The following CD82 variants were observed in gnomAD, a reference collection of about 807,000 sequenced individuals.
The protein encoded by CD82 is CD82 antigen.
A neutral mutation model predicts 37.4 loss-of-function variants in CD82; 36 were observed. That is an observed-to-expected ratio of 0.96 (90% CI 0.74 to 1.27). CD82 has a LOEUF of 1.27. Among genes scored for constraint, CD82 ranks in the 50% most tolerant of loss-of-function variants. The probability of loss-of-function intolerance (pLI) is 0.00; values close to 1 mark genes in which losing one functional copy is unlikely to be tolerated. For synonymous variants in CD82, 158 were observed against 137.4 expected, an observed-to-expected ratio of 1.15 and a Z score of -1.05; for missense variants, 340 against 347.0, an observed-to-expected ratio of 0.98 and a Z score of 0.16.
upstream of CD82, among the ~76,000 whole-genome samples, chr11:44,564,663 C>T (rs985672570): frequency 6.6e-6 from 1 of 152,194 alleles, no homozygotes; most frequent in African/African-American, 2.4e-5. Context: ...GCCCACAGCC[C>T]CTCCTGCCAC....
At chr11:44,602,906 C>T (rs1389293760) in intron 4 of CD82, among the ~76,000 whole-genome samples, 1 of 152,204 alleles carries the variant, frequency 6.6e-6, no homozygotes, top group Non-Finnish European at 1.5e-5. Context: ...AGGCACCTTG[C>T]AGCCTGCTAG....
At chr11:44,616,094 G>A (rs1853560252) in intron 7 of CD82, among the ~76,000 whole-genome samples, 1 of 152,174 alleles carries the variant, frequency 6.6e-6, no homozygotes, top group Admixed American at 6.5e-5. Context: ...ATCCTGTGAG[G>A]GCGCAGGACA....
chr11:44,601,469 C>A (rs990876458), intron 4 of CD82, among the ~76,000 whole-genome samples: 1 of 152,168 alleles, frequency 6.6e-6, no homozygotes, highest in South Asian at 2.1e-4. Context: ...ACACACCCTC[C>A]TTGGCCCCAT....
intron 1 of CD82, among the ~76,000 whole-genome samples, chr11:44,582,567 G>A (rs1364563614): frequency 3.3e-5 from 5 of 152,172 alleles, no homozygotes; most frequent in Admixed American, 6.5e-5. Context: ...TGTGGATACT[G>A]AGAAATGAGA....
At chr11:44,609,439 C>G (rs1004226572) in intron 6 of CD82, among the ~76,000 whole-genome samples, 1 of 152,050 alleles carries the variant, frequency 6.6e-6, no homozygotes, top group African/African-American at 2.4e-5. Flanking sequence ...CTGTCACGCT[C>G]AAGCAGAAGA....
chr11:44,569,645 C>T (rs1281576115), intron 1 of CD82, among the ~76,000 whole-genome samples: 1 of 152,102 alleles, frequency 6.6e-6, no homozygotes, highest in Middle Eastern at 3.2e-3. Flanking sequence ...CAAATACAAC[C>T]CCAACACAGA....
chr11:44,599,094 G>C (rs1853270927), intron 3 of CD82, among the ~76,000 whole-genome samples: 1 of 152,220 alleles, frequency 6.6e-6, no homozygotes, highest in South Asian at 2.1e-4. Context: ...AGATGGGAGA[G>C]AGGCAGGGAA....
chr11:44,610,390 T>C (rs990090171), intron 6 of CD82, among the ~76,000 whole-genome samples: 2 of 152,208 alleles, frequency 1.3e-5, no homozygotes, highest in African/African-American at 4.8e-5. Flanking sequence ...AACATGCTAT[T>C]GTGTGAGGTA....
chr11:44,601,345 C>T (rs1260152616), intron 4 of CD82, among the ~76,000 whole-genome samples: 2 of 151,874 alleles, frequency 1.3e-5, no homozygotes, highest in Admixed American at 6.5e-5. Flanking sequence ...GGATGATCTA[C>T]ACTCTAGCCA....
intron 1 of CD82, among the ~76,000 whole-genome samples, chr11:44,583,219 G>C (rs949794466): frequency 2.2e-4 from 34 of 152,158 alleles, no homozygotes; most frequent in African/African-American, 8.2e-4. Context: ...TGGAAAGCAA[G>C]AGGTCAGAGG....
chr11:44,564,703 A>G (rs1248155109), upstream of CD82, among the ~76,000 whole-genome samples: 1 of 151,738 alleles, frequency 6.6e-6, no homozygotes, highest in Non-Finnish European at 1.5e-5. Flanking sequence ...CTCCTCCCTC[A>G]CCTCAGGCAG....
chr11:44,589,857 G>A lies in CD82; in HGVS notation c.-21+2301G>A, dbSNP rs560030384. On this transcript the variant is annotated intron_variant, in intron 2 of 9. Coordinates refer to ENST00000227155, the MANE Select transcript of CD82 (RefSeq NM_002231.4). The stretch of plus-strand genomic sequence containing the variant: ...CTCTTCGTTTTGTTTTTTTTGAGAC[G>A]GGGTCTCGCTCTGTCGCCCAGGCTG... Among the ~76,000 whole-genome samples the A allele has an allele frequency of 1.7e-3, 250 of 151,210 alleles. 2 individuals are homozygous for A. The highest frequency in any genetic ancestry group is 5.7e-3 in the African/African-American group (236 of 41,142).
intron 1 of CD82, among the ~76,000 whole-genome samples, chr11:44,570,446 G>A (rs1852797778): frequency 6.6e-6 from 1 of 152,218 alleles, no homozygotes; most frequent in African/African-American, 2.4e-5. Context: ...CTGATTCCTG[G>A]CATACAGCAG....
rs370728156 is a variant in CD82, at chr11:44,605,173, G to T, written c.252G>T (p.Leu84=). The change falls in exon 5 of 10, where the codon CTG becomes CTT. Residue 84 remains leucine (L), a synonymous_variant. Transcript: ENST00000227155. ...CIGAVNEVRC[L]LGLYFAFLLL... is the part of the protein sequence containing the mutation. ...GCGCCGTCAACGAGGTCCGCTGCCT[G>T]CTGGGGCTGGTGAGTACGGATCCCT... The T allele has an allele frequency of 3.6e-5, 58 of 1,613,868 alleles. No individual in the cohort carries two copies. Among genetic ancestry groups the T allele is most frequent in the Non-Finnish European group, 4.5e-5 (53 of 1,179,992 alleles).
At chr11:44,571,019 C>T (rs917318637) in intron 1 of CD82, among the ~76,000 whole-genome samples, 3 of 152,152 alleles carry the variant, frequency 2.0e-5, no homozygotes, top group Non-Finnish European at 4.4e-5. Flanking sequence ...GCCTCTTCTC[C>T]GCCGCCCCAC....
At chr11:44,565,217 G>A (rs535387968), upstream of CD82, among the ~76,000 whole-genome samples, 1 of 152,296 alleles carries the variant, frequency 6.6e-6, no homozygotes, top group South Asian at 2.1e-4. Context: ...GGGGAGGGGC[G>A]TGGCCTCACC....
intron 1 of CD82, among the ~76,000 whole-genome samples, chr11:44,567,747 C>T (rs1241252488): frequency 6.6e-6 from 1 of 152,136 alleles, no homozygotes. Flanking sequence ...AAGGCCTGCA[C>T]CCTCAGGTTG....
intron 9 of CD82, 21 bp downstream of exon 9, chr11:44,618,744 C>T (rs375672218): frequency 1.9e-6 from 3 of 1,595,208 alleles, no homozygotes; most frequent in Admixed American, 3.4e-5. Context: ...CCTCCCCCAT[C>T]CCTTCTCCAT....
intron 1 of CD82, among the ~76,000 whole-genome samples, chr11:44,570,697 G>A (rs984668681): frequency 1.4e-5 from 2 of 138,456 alleles, no homozygotes; most frequent in Non-Finnish European, 3.1e-5. Flanking sequence ...CAGAGCTTCT[G>A]CTTCTCTTCC....
Sources: gnomAD v4.1 joint callset for allele counts (sites outside exome capture counted in the v4.1 genomes callset) on GRCh38, gnomAD v4.1.1 for gene constraint, MANE v1.5 for transcripts, NCBI Gene and HGNC (gene_info 2026-07-23, HGNC 2026-07-21) for gene names.